Variants in NUTM2G observed in about 807,000 individuals in gnomAD.
NUTM2G encodes NUT family member 2G, also known as family with sequence similarity 22, member G.
A neutral mutation model predicts 44.3 loss-of-function variants in NUTM2G; 29 were observed. That is an observed-to-expected ratio of 0.66 (90% CI 0.49 to 0.89). The LOEUF (loss-of-function observed/expected upper bound fraction) is 0.89, where lower values mean the gene tolerates loss of function less well. Among genes scored for constraint, NUTM2G ranks in the 40% least tolerant of loss-of-function variants. NUTM2G has a pLI of 0.00. For missense variants in NUTM2G, 502 were observed against 946.5 expected (o/e 0.53, Z 6.16); for synonymous variants, 205 against 395.9 (o/e 0.52, Z 5.72).
At chr9:96,937,684 G>A (rs980355207) in intron 5 of NUTM2G, among the ~76,000 whole-genome samples, 1 of 149,918 alleles carries the variant, frequency 6.7e-6, no homozygotes, top group Admixed American at 6.6e-5. Flanking sequence ...CTGTGTGTCT[G>A]TGTGTGGTTT....
chr9:96,937,980 G>A lies in NUTM2G; in HGVS notation c.1419G>A (p.Glu473=), dbSNP rs377674730. 146 of 1,612,156 alleles carry A rather than the reference G, an allele frequency of 9.1e-5. No individual in the cohort carries two copies. The highest frequency in any genetic ancestry group is 1.1e-4 in the Non-Finnish European group (133 of 1,179,860). ...CCCTAAGCCAGGAGCTGGAGCAGGA[G>A]GAAGGACTCACCCTTGCCCAGGTAG... The part of the protein sequence containing the change: ...FLALSQELEQ[E]EGLTLAQLVE... Residue 473 remains glutamate (E), a synonymous_variant, in exon 6 of 7, where the codon GAG becomes GAA. Coordinates refer to ENST00000372322, the MANE Select transcript of NUTM2G (RefSeq NM_001170741.3).
intron 1 of NUTM2G, among the ~76,000 whole-genome samples, chr9:96,931,300 G>T (rs1177977770): frequency 6.6e-6 from 1 of 151,262 alleles, no homozygotes; most frequent in Non-Finnish European, 1.5e-5. Context: ...GAAACTTCTG[G>T]TTTCCTGTCG....
chr9:96,938,164 A>AGGAGCCAGGGAGG (rs1222331278), intron 6 of NUTM2G, among the ~76,000 whole-genome samples, 163 bp downstream of exon 6: 31 of 149,522 alleles, frequency 2.1e-4, no homozygotes, highest in Admixed American at 1.9e-3. Context: ...TAGGATGGAG[A>AGGAGCCAGGGAGG]GGAGCCAGGG....
intron 3 of NUTM2G, among the ~76,000 whole-genome samples, chr9:96,935,750 A>G (rs1384088714): frequency 1.3e-5 from 2 of 152,112 alleles, no homozygotes; most frequent in Non-Finnish European, 2.9e-5. Context: ...GGTCTCCTCC[A>G]GCTGTGGGGA....
chr9:96,940,653 C>A (rs1273463159), downstream of NUTM2G, among the ~76,000 whole-genome samples: 71 of 152,062 alleles, frequency 4.7e-4, no homozygotes, highest in African/African-American at 1.7e-3. Context: ...CCCAGCACTG[C>A]CTGCATGCAG....
At chr9:96,929,238 C>A (rs1042575176) in intron 1 of NUTM2G, among the ~76,000 whole-genome samples, 198 bp downstream of exon 1, 1 of 152,112 alleles carries the variant, frequency 6.6e-6, no homozygotes, top group Non-Finnish European at 1.5e-5. Flanking sequence ...AGAGGCGGAC[C>A]AAGATGCCTG....
In NUTM2G at chr9:96,935,553, G is replaced by A. The variant is rs1588203887; in HGVS notation, c.842+97G>A. On this transcript the variant is annotated intron_variant, in intron 3 of 6. Coordinates refer to ENST00000372322, the MANE Select transcript of NUTM2G (RefSeq NM_001170741.3). ...GGTGGCTTCTCAGCGTGGAGCATGA[G>A]GAGGGTGTGGACAAACACAGGACGC... 6 of 1,608,340 alleles carry A rather than the reference G, an allele frequency of 3.7e-6. No individual in the cohort carries two copies. The East Asian group carries it at 1.1e-4, about 30-fold the overall frequency.
intron 3 of NUTM2G, 143 bp downstream of exon 3, chr9:96,935,599 A>G (rs1230075744): frequency 2.2e-4 from 338 of 1,519,422 alleles, no homozygotes; most frequent in Non-Finnish European, 2.9e-4. Flanking sequence ...TGGCTCCCTC[A>G]GGAAGCTGCT....
chr9:96,941,165 C>T (rs1826583055), downstream of NUTM2G, among the ~76,000 whole-genome samples: 1 of 150,192 alleles, frequency 6.7e-6, no homozygotes, highest in South Asian at 2.1e-4. Context: ...GAAAGTGATA[C>T]CTTGGTTTAG....
At chr9:96,940,192 G>A (rs1478515008), downstream of NUTM2G, 1 of 147,666 alleles carries the variant, frequency 6.8e-6, no homozygotes, top group African/African-American at 2.5e-5. Flanking sequence ...GGAGAAGCTG[G>A]GGCCCAGGCC....
At position 96,931,715 on chromosome 9, in the gene NUTM2G, T is replaced by C. The variant is rs2119020398; in HGVS notation, c.17-7T>C. 1 of 1,611,394 alleles carries C rather than the reference T, an allele frequency of 6.2e-7. No homozygotes were observed. Among genetic ancestry groups the C allele is most frequent in the East Asian group, 2.2e-5 (1 of 44,780 alleles). On this transcript the variant is annotated splice_region_variant and splice_polypyrimidine_tract_variant and intron_variant, in intron 1 of 6. Coordinates refer to ENST00000372322, the MANE Select transcript of NUTM2G (RefSeq NM_001170741.3). ...AGCTCATTCACCTCTTTCCTTTGTC[T>C]CCACAGCATACCCAGTGCTGGGACC...
chr9:96,934,605 T>C (rs1826369809), intron 2 of NUTM2G, among the ~76,000 whole-genome samples: 1 of 151,926 alleles, frequency 6.6e-6, no homozygotes, highest in Non-Finnish European at 1.5e-5. Context: ...TCCAGGACCC[T>C]GAGGCTGTGT....
chr9:96,935,895 T>C (rs1826416066), intron 3 of NUTM2G, among the ~76,000 whole-genome samples: 2 of 151,670 alleles, frequency 1.3e-5, no homozygotes, highest in African/African-American at 4.9e-5. Context: ...TGGGACACCA[T>C]GAGACCCCTC....
chr9:96,930,887 T>G (rs1433176136), intron 1 of NUTM2G, among the ~76,000 whole-genome samples: 5 of 71,160 alleles, frequency 7.0e-5, no homozygotes, highest in Admixed American at 1.3e-4. Flanking sequence ...TTTTTTTTTT[T>G]TTTTTTTTTT....
At chr9:96,936,617 G>A in intron 4 of NUTM2G, 53 bp downstream of exon 4, 3 of 1,531,946 alleles carry the variant, frequency 2.0e-6, no homozygotes, top group Middle Eastern at 4.7e-4. Flanking sequence ...AAGGGGCCAA[G>A]GGAGGCCACT....
chr9:96,929,283 G>A (rs1446866604), intron 1 of NUTM2G, among the ~76,000 whole-genome samples: 1 of 152,128 alleles, frequency 6.6e-6, no homozygotes, highest in East Asian at 1.9e-4. Context: ...GGATGGAGAG[G>A]ATGGCTTGAT....
At chr9:96,934,842 G>T (rs1468578298) in intron 2 of NUTM2G, among the ~76,000 whole-genome samples, 2 of 152,112 alleles carry the variant, frequency 1.3e-5, no homozygotes, top group Non-Finnish European at 2.9e-5. Flanking sequence ...GGTGACAGCG[G>T]ATTGGGTGTC....
rs1368556714 is a variant in NUTM2G at position 96,935,581 on chromosome 9, T to C, written c.842+125T>C. 8.3e-6 allele frequency: 13 copies of C among 1,570,164 alleles called. No homozygotes were observed. The African/African-American group carries it at 9.4e-5, about 11-fold the overall frequency. On this transcript the variant is annotated intron_variant, in intron 3 of 6. Coordinates refer to ENST00000372322, the MANE Select transcript of NUTM2G (RefSeq NM_001170741.3). ...GGGTGTGGACAAACACAGGACGCCC[T>C]GGGCCCCTGGCTCCCTCAGGAAGCT...
downstream of NUTM2G, among the ~76,000 whole-genome samples, chr9:96,941,434 G>C (rs1218320207): frequency 6.6e-6 from 1 of 151,524 alleles, no homozygotes. Context: ...TTTGGAGATG[G>C]GGCCTTTGGG....
Sources: allele counts gnomAD v4.1 joint callset (sites outside exome capture counted in the v4.1 genomes callset), GRCh38; gene constraint gnomAD v4.1.1; transcripts MANE v1.5; gene names NCBI Gene and HGNC (gene_info 2026-07-23, HGNC 2026-07-21).